Variants in CSMD2 observed in about 807,000 individuals in gnomAD.
The protein encoded by CSMD2 is CUB and sushi domain-containing protein 2.
In CSMD2, 130 loss-of-function variants were observed where a neutral mutation model predicts 398.5. The ratio of observed to expected loss-of-function variants is 0.33; its 90% CI spans 0.28 to 0.38. The LOEUF (loss-of-function observed/expected upper bound fraction) is 0.38. Ranked by LOEUF, CSMD2 falls within the 10% of genes least tolerant of loss-of-function variation. The pLI is 1.00. For synonymous variants in CSMD2, 1,828 were observed against 1,908.5 expected, an observed-to-expected ratio of 0.96 and a Z score of 1.10; for missense variants, 3,829 against 4,764.9, an observed-to-expected ratio of 0.80 and a Z score of 5.78.
chr1:33,661,832 C>T (rs1490579728), intron 26 of CSMD2, among the ~76,000 whole-genome samples: 1 of 152,152 alleles, frequency 6.6e-6, no homozygotes, highest in Non-Finnish European at 1.5e-5. Flanking sequence ...TATACCCCAA[C>T]CACCCTTAGC....
intron 1 of CSMD2, among the ~76,000 whole-genome samples, chr1:34,099,255 T>A (rs1659711331): frequency 6.6e-6 from 1 of 152,196 alleles, no homozygotes; most frequent in African/African-American, 2.4e-5. Flanking sequence ...ATTCCTTCCT[T>A]CATTCATTCA....
intron 25 of CSMD2, among the ~76,000 whole-genome samples, chr1:33,678,055 A>G (rs1644778131): frequency 6.6e-6 from 1 of 151,790 alleles, no homozygotes. Context: ...ACATGTATAC[A>G]TATGTAACAA....
intron 3 of CSMD2, among the ~76,000 whole-genome samples, chr1:33,979,043 G>T (rs1374619676): frequency 6.6e-6 from 1 of 152,150 alleles, no homozygotes; most frequent in Non-Finnish European, 1.5e-5. Context: ...ATCATTGCAG[G>T]TACATATACC....
At chr1:33,675,113 C>A (rs1404093715) in intron 25 of CSMD2, among the ~76,000 whole-genome samples, 1 of 152,002 alleles carries the variant, frequency 6.6e-6, no homozygotes, top group Non-Finnish European at 1.5e-5. Context: ...AAGATCAGGG[C>A]AGAACTGAAG....
intron 44 of CSMD2, among the ~76,000 whole-genome samples, chr1:33,592,772 A>G (rs1360267174): frequency 1.3e-5 from 2 of 151,910 alleles, no homozygotes; most frequent in East Asian, 3.9e-4. Flanking sequence ...ACACGGTGAA[A>G]CCCCGTCTCT....
intron 23 of CSMD2, among the ~76,000 whole-genome samples, 175 bp downstream of exon 23, chr1:33,700,342 T>G (rs551954719): frequency 6.6e-6 from 1 of 152,350 alleles, no homozygotes; most frequent in South Asian, 2.1e-4. Context: ...GCTATTCCAT[T>G]GTATGAACAT....
chr1:33,720,668 T>G (rs535401100), intron 19 of CSMD2, among the ~76,000 whole-genome samples: 1 of 152,240 alleles, frequency 6.6e-6, no homozygotes, highest in African/African-American at 2.4e-5. Context: ...AGGTAAGGAC[T>G]ATGAGGCTGT....
chr1:34,003,452 C>G (rs890118591), intron 3 of CSMD2, among the ~76,000 whole-genome samples: 1 of 152,178 alleles, frequency 6.6e-6, no homozygotes, highest in African/African-American at 2.4e-5. Flanking sequence ...AGCCTGCATC[C>G]ATCATGCCCA....
intron 41 of CSMD2, among the ~76,000 whole-genome samples, chr1:33,609,491 T>G (rs17361435): frequency 6.6e-6 from 1 of 152,146 alleles, no homozygotes; most frequent in Non-Finnish European, 1.5e-5. Context: ...GTAGCATACA[T>G]ATATCCAGGC....
intron 3 of CSMD2, among the ~76,000 whole-genome samples, chr1:33,965,410 G>T (rs910264464): frequency 2.6e-5 from 4 of 152,164 alleles, no homozygotes; most frequent in African/African-American, 9.7e-5. Context: ...ACAATCTCCA[G>T]GTTCTTGTTG....
chr1:33,873,280 G>T (rs1167690418), intron 5 of CSMD2, among the ~76,000 whole-genome samples: 1 of 152,150 alleles, frequency 6.6e-6, no homozygotes, highest in African/African-American at 2.4e-5. Flanking sequence ...TTCTGCATGT[G>T]GAAGGGACAA....
At chr1:33,726,965 G>A (rs1646555117) in intron 15 of CSMD2, among the ~76,000 whole-genome samples, 1 of 152,108 alleles carries the variant, frequency 6.6e-6, no homozygotes, top group Admixed American at 6.5e-5. Context: ...ACTAATATTT[G>A]GGCCACATGG....
chr1:33,707,157 A>G (rs1354833570), intron 22 of CSMD2, among the ~76,000 whole-genome samples: 2 of 152,198 alleles, frequency 1.3e-5, no homozygotes, highest in East Asian at 3.9e-4. Flanking sequence ...AAGCATGGGC[A>G]CTGGCCATAC....
At chr1:33,792,122 T>C (rs1245023932) in intron 11 of CSMD2, among the ~76,000 whole-genome samples, 1 of 152,144 alleles carries the variant, frequency 6.6e-6, no homozygotes, top group Non-Finnish European at 1.5e-5. Context: ...AAGGTCTGCA[T>C]GGAAGCAGCC....
chr1:33,546,923 T>C (rs182722289), intron 56 of CSMD2, among the ~76,000 whole-genome samples: 7 of 152,284 alleles, frequency 4.6e-5, no homozygotes, highest in Admixed American at 4.6e-4. Context: ...AAATAATCAT[T>C]GTACATATTT....
chr1:33,943,105 C>G (rs1644729129), intron 3 of CSMD2, among the ~76,000 whole-genome samples: 1 of 152,168 alleles, frequency 6.6e-6, no homozygotes. Flanking sequence ...ACCACCAAGG[C>G]ACAGGCAAAC....
intron 20 of CSMD2, among the ~76,000 whole-genome samples, chr1:33,716,064 T>C (rs1646157632): frequency 6.6e-6 from 1 of 152,166 alleles, no homozygotes. Context: ...CTTCATAGAA[T>C]AAGAATCCTC....
chr1:33,993,396 T>C (rs1646624977), intron 3 of CSMD2, among the ~76,000 whole-genome samples: 1 of 152,208 alleles, frequency 6.6e-6, no homozygotes, highest in African/African-American at 2.4e-5. Flanking sequence ...CTCATTCCAC[T>C]AATGCCACTG....
intron 7 of CSMD2, among the ~76,000 whole-genome samples, chr1:33,823,960 T>A (rs1005310883): frequency 1.2e-4 from 18 of 152,116 alleles, no homozygotes; most frequent in African/African-American, 3.9e-4. Flanking sequence ...TCACATGTAC[T>A]TTTTTGGCTA....
Sources: allele counts gnomAD v4.1 joint callset (sites outside exome capture counted in the v4.1 genomes callset), GRCh38; gene constraint gnomAD v4.1.1; transcripts MANE v1.5; gene names NCBI Gene and HGNC (gene_info 2026-07-23, HGNC 2026-07-21).